Variants in FMNL3 observed in about 807,000 individuals in gnomAD.
FMNL3 encodes formin-like protein 3.
A neutral mutation model predicts 119.6 loss-of-function variants in FMNL3; 57 were observed. The observed-to-expected ratio is 0.48, with a 90% CI of 0.39 to 0.59. The LOEUF (loss-of-function observed/expected upper bound fraction) is 0.59. FMNL3 is among the 20% of genes least tolerant of loss of function. FMNL3 has a pLI of 0.00. For missense variants in FMNL3, 1,053 were observed against 1,323.5 expected, an observed-to-expected ratio of 0.80 and a Z score of 3.17; for synonymous variants, 491 against 507.3, an observed-to-expected ratio of 0.97 and a Z score of 0.43.
chr12:49,698,604 G>C (rs1324146633), intron 1 of FMNL3, among the ~76,000 whole-genome samples: 2 of 151,924 alleles, frequency 1.3e-5, no homozygotes, highest in East Asian at 1.9e-4. Flanking sequence ...TGAGGTGATG[G>C]AAGACAGAAA....
chr12:49,672,627 C>T (rs754283388), intron 1 of FMNL3, among the ~76,000 whole-genome samples: 26 of 152,190 alleles, frequency 1.7e-4, no homozygotes, highest in Non-Finnish European at 3.1e-4. Flanking sequence ...CCCCTGACAG[C>T]CCCAGTCAAG....
At chr12:49,664,472 G>A (rs887339062) in intron 4 of FMNL3, among the ~76,000 whole-genome samples, 38 of 152,158 alleles carry the variant, frequency 2.5e-4, no homozygotes, top group Non-Finnish European at 4.4e-4. Context: ...GGAGGAATGC[G>A]GAGTGGTAGG....
intron 1 of FMNL3, among the ~76,000 whole-genome samples, chr12:49,703,407 A>C (rs1217564311): frequency 6.6e-6 from 1 of 152,146 alleles, no homozygotes; most frequent in East Asian, 1.9e-4. Flanking sequence ...TAATTGCCCC[A>C]ACCCCAAACT....
intron 12 of FMNL3, 67 bp from the exon 13 acceptor site, chr12:49,653,394 C>T: frequency 6.6e-7 from 1 of 1,524,972 alleles, no homozygotes; most frequent in Non-Finnish European, 9.1e-7. Flanking sequence ...AGCCTGAACC[C>T]TAGTCAAGAC....
rs908361982 is a variant in FMNL3, at chr12:49,649,650, G to A, written c.2235+41C>T. ...AGGTGACTAGCAGATGGAGGGTGGA[G>A]GGACAGCTGTCCAGAGCCATGAGTT... is the stretch of plus-strand genomic sequence containing the variant. On this transcript the variant is annotated intron_variant, in intron 18 of 25. Transcript: ENST00000335154. The surrounding 1 kb of genome is among the most constrained non-coding windows in gnomAD (Gnocchi z 5.6). 5.0e-6 allele frequency: 8 copies of A among 1,611,846 alleles called. No individual in the cohort carries two copies. Among genetic ancestry groups the A allele is most frequent in the Non-Finnish European group, 6.8e-6 (8 of 1,178,006 alleles).
At chr12:49,648,044 C>G in intron 22 of FMNL3, 149 bp downstream of exon 22, 2 of 1,030,084 alleles carry the variant, frequency 1.9e-6, no homozygotes, top group South Asian at 3.5e-5. Context: ...CCAGAGGCAG[C>G]TGCCTGGCAC....
In FMNL3 at chr12:49,636,637, G is replaced by A. The variant is rs1039216811; in HGVS notation, c.*9178C>T. The A allele has an allele frequency of 1.4e-5, 22 of 1,590,712 alleles. No homozygotes were observed. The highest frequency in any genetic ancestry group is 2.2e-5 in the South Asian group (2 of 90,072). On this transcript the variant is annotated 3_prime_UTR_variant, in exon 26 of 26. Coordinates refer to ENST00000335154, the MANE Select transcript of FMNL3 (RefSeq NM_175736.5). Reference sequence around the variant, plus strand: ...TCCCTAGCACCTGTAGGACAGCATCGTTGAAACATTAGGGGTGCTGGGGTC... The same window carrying A: ...TCCCTAGCACCTGTAGGACAGCATCATTGAAACATTAGGGGTGCTGGGGTC...
chr12:49,654,870 C>T (rs372951841), intron 10 of FMNL3, 40 bp downstream of exon 10: 74 of 1,593,204 alleles, frequency 4.6e-5, no homozygotes, highest in Non-Finnish European at 6.4e-5. Flanking sequence ...ACACACACAG[C>T]CCTGGTGGGT....
At chr12:49,693,635 G>GTTTTTT (rs1565896489) in intron 1 of FMNL3, among the ~76,000 whole-genome samples, 486 of 21,242 alleles carry the variant, frequency 0.023, 227 homozygotes, top group African/African-American at 0.038. Context: ...TCCCAATCTT[G>GTTTTTT]GTTTTTTTTT....
intron 4 of FMNL3, among the ~76,000 whole-genome samples, chr12:49,663,159 G>C (rs1943788519): frequency 6.6e-6 from 1 of 152,204 alleles, no homozygotes; most frequent in African/African-American, 2.4e-5. Context: ...GGGGCCAACA[G>C]GCCTCCCGTT....
In FMNL3 at chr12:49,649,548, A is replaced by G; in HGVS notation, c.2236-10T>C. 3 of 1,614,186 alleles carry G rather than the reference A, an allele frequency of 1.9e-6. No homozygotes were observed. Among genetic ancestry groups the G allele is most frequent in the East Asian group, 2.2e-5 (1 of 44,888 alleles). On this transcript the variant is annotated splice_polypyrimidine_tract_variant and intron_variant, in intron 18 of 25. Coordinates refer to ENST00000335154, the MANE Select transcript of FMNL3 (RefSeq NM_175736.5). The surrounding 1 kb of genome is among the most constrained non-coding windows in gnomAD (Gnocchi z 5.6). ...TGATGGCATTGAGTTGCTGTAGGAC[A>G]ATATGAACACTGAAGTAACCCCAGG... is the stretch of plus-strand genomic sequence containing the variant.
intron 1 of FMNL3, among the ~76,000 whole-genome samples, chr12:49,687,863 C>G (rs1944507345): frequency 6.6e-6 from 1 of 152,136 alleles, no homozygotes; most frequent in Non-Finnish European, 1.5e-5. Context: ...AACATTCCCT[C>G]CAAATATCTC....
chr12:49,679,740 C>T (rs1007112730), intron 1 of FMNL3, among the ~76,000 whole-genome samples: 1 of 152,008 alleles, frequency 6.6e-6, no homozygotes, highest in African/African-American at 2.4e-5. Flanking sequence ...AGGCTGGTCT[C>T]GAGCTCCCAG....
At chr12:49,693,927 C>G (rs1433302248) in intron 1 of FMNL3, among the ~76,000 whole-genome samples, 1 of 151,924 alleles carries the variant, frequency 6.6e-6, no homozygotes, top group African/African-American at 2.4e-5. Flanking sequence ...GGATTACAGG[C>G]ATGAGCCACC....
At position 49,649,778 on chromosome 12, in the gene FMNL3, G is replaced by A. The variant is rs777350764; in HGVS notation, c.2148C>T (p.Leu716=). The A allele has an allele frequency of 6.2e-7, 1 of 1,614,198 alleles. No individual in the cohort carries two copies. Among genetic ancestry groups the A allele is most frequent in the African/African-American group, 1.3e-5 (1 of 75,042 alleles). The part of the protein sequence containing the change: ...ELAAEDRFML[L]FSKVERLTQR... ...GGGTCAACCGTTCCACCTTGCTGAA[G>A]AGCAGCATGAAGCGGTCCTCAGCTG... The change falls in exon 18 of 26, where the codon CTC becomes CTT. Residue 716 remains leucine, a synonymous_variant. Transcript: ENST00000335154. The surrounding 1 kb of genome is among the most constrained non-coding windows in gnomAD (Gnocchi z 5.6).
chr12:49,657,224 T>G lies in FMNL3; in HGVS notation c.606-34A>C, dbSNP rs1175185373. The G allele has an allele frequency of 3.3e-6, 5 of 1,518,266 alleles. No homozygotes were observed. The Admixed American group carries it at 8.4e-5, about 25-fold the overall frequency. 94.0% of individuals were successfully genotyped at this position (1,518,266 alleles called of 1,614,324 possible). On this transcript the variant is annotated intron_variant, in intron 6 of 25. Transcript: ENST00000335154. ...ATGGGCCAGGCAGTCAGGTGGGAGCTGAGGCTGCCAGTGAAGCATCTAGGG... is the reference window on the plus strand; with the variant it reads ...ATGGGCCAGGCAGTCAGGTGGGAGCGGAGGCTGCCAGTGAAGCATCTAGGG...
chr12:49,652,340 G>A (rs1448038456), intron 13 of FMNL3, 128 bp from the exon 14 acceptor site: 3 of 1,429,044 alleles, frequency 2.1e-6, no homozygotes, highest in Middle Eastern at 2.4e-4. Context: ...GGCTCAGAGT[G>A]GCAGAAACCC....
chr12:49,651,660 C>G (rs907883748), intron 14 of FMNL3, among the ~76,000 whole-genome samples: 1 of 152,188 alleles, frequency 6.6e-6, no homozygotes, highest in African/African-American at 2.4e-5. Context: ...TCTATGGCTA[C>G]AGTCTAAGCC....
At position 49,649,396 on chromosome 12, in the gene FMNL3, CCT is replaced by C; in HGVS notation, c.2305-59_2305-58del. 1 of 1,613,618 alleles carries C rather than the reference CCT, an allele frequency of 6.2e-7. No individual in the cohort carries two copies. Among genetic ancestry groups the C allele is most frequent in the Non-Finnish European group, 8.5e-7 (1 of 1,179,618 alleles). On this transcript the variant is annotated intron_variant, in intron 19 of 25. Transcript: ENST00000335154. This position sits in a 1 kb window ranked among gnomAD's most constrained non-coding sequence, Gnocchi z 5.6. Reference sequence around the variant, plus strand: ...GCTCAGGTCCTGAAGGCTCCTTCTTCCTCTCTGTATAGCCCCAGGCCCCCACC... The same window carrying C: ...GCTCAGGTCCTGAAGGCTCCTTCTTCCTCTGTATAGCCCCAGGCCCCCACC...
Sources: allele counts gnomAD v4.1 joint callset (sites outside exome capture counted in the v4.1 genomes callset), GRCh38; gene constraint gnomAD v4.1.1; non-coding constraint Gnocchi (gnomAD v3.1); transcripts MANE v1.5; gene names NCBI Gene and HGNC (gene_info 2026-07-23, HGNC 2026-07-21).